The following LRRTM4 variants were observed in gnomAD, a reference collection of about 807,000 sequenced individuals.
LRRTM4 encodes the protein leucine rich repeat transmembrane neuronal 4.
A neutral mutation model predicts 47.6 loss-of-function variants in LRRTM4; 25 were observed. The ratio of observed to expected loss-of-function variants is 0.53; its 90% CI spans 0.38 to 0.73. LRRTM4 has a LOEUF of 0.73. Among genes scored for constraint, LRRTM4 ranks in the 30% least tolerant of loss-of-function variants. The pLI is 0.00. For synonymous variants in LRRTM4, 311 were observed against 269.5 expected (o/e 1.15, Z -1.51); for missense variants, 638 against 713.4 (o/e 0.89, Z 1.20).
At chr2:77,517,708 A>C in intron 3 of LRRTM4, 2 of 972,130 alleles carry the variant, frequency 2.1e-6, no homozygotes, top group Non-Finnish European at 2.4e-6. Flanking sequence ...AAAAAAAAAA[A>C]GAAAGAAGCC....
At chr2:77,217,333 GTTA>G (rs1674478268) in intron 3 of LRRTM4, among the ~76,000 whole-genome samples, 2 of 118,134 alleles carry the variant, frequency 1.7e-5, no homozygotes, top group South Asian at 2.8e-4. Flanking sequence ...CTTGTGTCTG[GTTA>G]TTAATTTAAT....
At chr2:77,459,729 TCTTA>T (rs1485320057) in intron 3 of LRRTM4, among the ~76,000 whole-genome samples, 49 of 150,602 alleles carry the variant, frequency 3.3e-4, no homozygotes, top group African/African-American at 1.1e-3. Context: ...ATTATAAGCT[TCTTA>T]CTTTTAGTGT....
intron 3 of LRRTM4, among the ~76,000 whole-genome samples, chr2:77,368,462 A>G (rs1672538178): frequency 6.6e-6 from 1 of 151,782 alleles, no homozygotes; most frequent in East Asian, 1.9e-4. Flanking sequence ...AACAAAAGCT[A>G]GCTTGATTAG....
chr2:77,384,147 G>A (rs1673166818), intron 3 of LRRTM4, among the ~76,000 whole-genome samples: 1 of 151,604 alleles, frequency 6.6e-6, no homozygotes, highest in African/African-American at 2.4e-5. Context: ...AAGAAATTAA[G>A]CTCTATGATA....
chr2:77,263,073 TGA>T (rs1363760537), intron 3 of LRRTM4, among the ~76,000 whole-genome samples: 4 of 152,028 alleles, frequency 2.6e-5, no homozygotes, highest in Admixed American at 2.0e-4. Context: ...GGCTGAAGGT[TGA>T]GTTAATCACT....
intron 3 of LRRTM4, among the ~76,000 whole-genome samples, chr2:77,075,287 TTGTAAA>T (rs1353916611): frequency 6.6e-6 from 1 of 152,226 alleles, no homozygotes; most frequent in Non-Finnish European, 1.5e-5. Context: ...TTTCTACAAC[TTGTAAA>T]TGTTAGGCTT....
Position 77,334,029 on chromosome 2 carries a change from C to T in LRRTM4, c.1551+184289G>A, listed in dbSNP as rs575271799. Among the ~76,000 whole-genome samples, 89 of 152,246 alleles carry T rather than the reference C, an allele frequency of 5.8e-4. 1 individual carries two copies. Among genetic ancestry groups the T allele is most frequent in the South Asian group, 1.2e-3 (6 of 4,828 alleles). On this transcript the variant is annotated intron_variant, in intron 3 of 3. Transcript: ENST00000409884. Reference sequence around the variant, plus strand: ...TTGGAGCTTTAATATTTAACTGCCCCGCTGGATTTTGGACTTGAATGGCAC... The same window carrying T: ...TTGGAGCTTTAATATTTAACTGCCCTGCTGGATTTTGGACTTGAATGGCAC...
chr2:77,518,971 A>C lies in LRRTM4; in HGVS notation c.898T>G (p.Trp300Gly). Residue 300 changes from tryptophan (W) to glycine (G), a missense_variant, in exon 3 of 4, where the codon TGG becomes GGG. Transcript: ENST00000409884. ...TNISQETVNA[W>G]ISLISITLSG... The stretch of plus-strand genomic sequence containing the variant: ...AATGTGATGGATATTAATGATATCC[A>C]CGCATTGACAGTTTCCTGTGAGATA... The C allele has an allele frequency of 6.2e-7, 1 of 1,611,856 alleles. No homozygotes were observed. Among genetic ancestry groups the C allele is most frequent in the Non-Finnish European group, 8.5e-7 (1 of 1,178,910 alleles).
chr2:77,259,608 A>G (rs1033206331), intron 3 of LRRTM4, among the ~76,000 whole-genome samples: 1 of 152,046 alleles, frequency 6.6e-6, no homozygotes, highest in Non-Finnish European at 1.5e-5. Flanking sequence ...GTGGTGTTCA[A>G]TAGGTAGGAA....
At chr2:76,857,672 T>A (rs577851528) in intron 3 of LRRTM4, among the ~76,000 whole-genome samples, 22 of 152,250 alleles carry the variant, frequency 1.4e-4, no homozygotes, top group Non-Finnish European at 2.1e-4. Flanking sequence ...ATACTGATAG[T>A]GGTGATTATT....
intron 3 of LRRTM4, among the ~76,000 whole-genome samples, chr2:76,886,257 A>G (rs921586017): frequency 6.6e-6 from 1 of 152,214 alleles, no homozygotes; most frequent in African/African-American, 2.4e-5. Context: ...AATGAGCAAT[A>G]GTCATTGATC....
At chr2:76,958,087 G>C (rs560682065) in intron 3 of LRRTM4, among the ~76,000 whole-genome samples, 3 of 151,662 alleles carry the variant, frequency 2.0e-5, no homozygotes, top group Non-Finnish European at 4.4e-5. Flanking sequence ...TGGGAAAAAG[G>C]AGGTTTCATT....
At chr2:76,769,063 G>T (rs1293533881) in intron 3 of LRRTM4, among the ~76,000 whole-genome samples, 3 of 152,110 alleles carry the variant, frequency 2.0e-5, no homozygotes, top group Admixed American at 6.6e-5. Flanking sequence ...TTCTTTGAGG[G>T]CCTCCTCATA....
chr2:76,861,069 A>G (rs1293835170), intron 3 of LRRTM4, among the ~76,000 whole-genome samples: 2 of 152,202 alleles, frequency 1.3e-5, no homozygotes, highest in East Asian at 3.9e-4. Context: ...AAATAGGAAG[A>G]TCTTACTTAC....
At chr2:76,759,925 A>G (rs1333672564) in intron 3 of LRRTM4, among the ~76,000 whole-genome samples, 1 of 152,052 alleles carries the variant, frequency 6.6e-6, no homozygotes, top group East Asian at 1.9e-4. Context: ...ATTTTTTTAA[A>G]TGTTAAATAT....
At chr2:76,866,218 C>A (rs1019465281) in intron 3 of LRRTM4, among the ~76,000 whole-genome samples, 1 of 152,156 alleles carries the variant, frequency 6.6e-6, no homozygotes, top group East Asian at 1.9e-4. Context: ...TTGAGAGTCA[C>A]GAAACATTTC....
chr2:77,102,760 G>T (rs578138056), intron 3 of LRRTM4, among the ~76,000 whole-genome samples: 5 of 152,066 alleles, frequency 3.3e-5, no homozygotes, highest in African/African-American at 1.2e-4. Flanking sequence ...ATGCTTTCCC[G>T]TGAACCTCAA....
In LRRTM4 at chr2:77,083,126, G is replaced by C. The variant is rs966908271; in HGVS notation, c.1552-334210C>G. 2.6e-5 allele frequency among the ~76,000 whole-genome samples: 4 copies of C among 151,870 alleles called. No homozygotes were observed. In the South Asian group the frequency reaches 6.2e-4, roughly 24 times the overall value. On this transcript the variant is annotated intron_variant, in intron 3 of 3. Transcript: ENST00000409884. Reference sequence around the variant, plus strand: ...CAGATTCATTCATTATTATTTTTATGAGCAAACCTGGAAAATTTCAATCCC... The same window carrying C: ...CAGATTCATTCATTATTATTTTTATCAGCAAACCTGGAAAATTTCAATCCC...
intron 3 of LRRTM4, among the ~76,000 whole-genome samples, chr2:77,332,873 T>C (rs56033034): frequency 1.5e-3 from 221 of 152,266 alleles, no homozygotes; most frequent in African/African-American, 5.1e-3. Flanking sequence ...TGATATAGAT[T>C]GACTGTGTCT....
Sources: gnomAD v4.1 joint callset for allele counts (sites outside exome capture counted in the v4.1 genomes callset) on GRCh38, gnomAD v4.1.1 for gene constraint, MANE v1.5 for transcripts, NCBI Gene and HGNC (gene_info 2026-07-23, HGNC 2026-07-21) for gene names.